Variants in DCAF6 observed in about 807,000 individuals in gnomAD.
The protein encoded by DCAF6 is DDB1 and CUL4 associated factor 6.
DCAF6 carries 54 observed loss-of-function variants against 125.1 expected under a neutral mutation model. The ratio of observed to expected loss-of-function variants is 0.43; its 90% CI spans 0.35 to 0.54. The LOEUF is 0.54. Ranked by LOEUF, DCAF6 falls within the 20% of genes least tolerant of loss-of-function variation. DCAF6 has a pLI of 0.01. For missense variants in DCAF6, 934 were observed against 1,161.7 expected, an observed-to-expected ratio of 0.80 and a Z score of 2.85; for synonymous variants, 371 against 390.4, an observed-to-expected ratio of 0.95 and a Z score of 0.58.
At chr1:167,928,038 T>C in the DCAF6 span, among the ~76,000 whole-genome samples, 1 of 152,018 alleles carries the variant, frequency 6.6e-6, no homozygotes, top group South Asian at 2.1e-4. Flanking sequence ...CTGCAAACAG[T>C]GTTTTCTTAA....
chr1:167,899,323 C>G, the DCAF6 span: 1 of 1,209,330 alleles, frequency 8.3e-7, no homozygotes, highest in Non-Finnish European at 1.2e-6. Flanking sequence ...AATCTCCAGC[C>G]CAGGAGCTTT....
intron 8 of DCAF6, among the ~76,000 whole-genome samples, chr1:168,002,904 T>C (rs1682839899): frequency 6.6e-6 from 1 of 152,116 alleles, no homozygotes; most frequent in Non-Finnish European, 1.5e-5. Context: ...CTATTAGATA[T>C]TAAGAGAAAT....
At chr1:168,022,656 G>T (rs1021457854) in intron 11 of DCAF6, among the ~76,000 whole-genome samples, 1 of 147,130 alleles carries the variant, frequency 6.8e-6, no homozygotes, top group Non-Finnish European at 1.5e-5. Flanking sequence ...AGTTTGAGAA[G>T]GGCAAGGAGT....
chr1:168,029,930 A>G (rs1686838263), intron 12 of DCAF6, among the ~76,000 whole-genome samples: 1 of 151,610 alleles, frequency 6.6e-6, no homozygotes. Context: ...CAGTGAGCCG[A>G]GATTGCACCA....
chr1:168,002,405 G>A lies in DCAF6; in HGVS notation c.904-77G>A, dbSNP rs1324490425. 3.2e-6 allele frequency: 4 copies of A among 1,232,924 alleles called. No individual in the cohort carries two copies. The Admixed American group carries it at 7.0e-5, about 22-fold the overall frequency. 76.4% of individuals were successfully genotyped at this position (1,232,924 alleles called of 1,614,324 possible). On this transcript the variant is annotated intron_variant, in intron 7 of 21. Transcript: ENST00000367840. Reference sequence around the variant, plus strand: ...AGAAGTAGGGAGATGGAAATAAATAGACATAAAGTATGCTTTAAGAGTTGA... The same window carrying A: ...AGAAGTAGGGAGATGGAAATAAATAAACATAAAGTATGCTTTAAGAGTTGA...
the DCAF6 span, chr1:167,883,401 C>G: frequency 6.2e-7 from 1 of 1,607,000 alleles, no homozygotes; most frequent in Non-Finnish European, 8.5e-7. Flanking sequence ...TAACCTAAAA[C>G]TATTGGTAGG....
the DCAF6 span, among the ~76,000 whole-genome samples, chr1:167,919,787 T>C: frequency 6.6e-6 from 1 of 152,146 alleles, no homozygotes; most frequent in Admixed American, 6.5e-5. Context: ...TGTAAACCCC[T>C]AGACTTTTCT....
At chr1:167,936,652 G>A (rs2102577406), upstream of DCAF6, 1 of 412,020 alleles carries the variant, frequency 2.4e-6, no homozygotes, top group Non-Finnish European at 4.4e-6. Context: ...TGTTGGAGGG[G>A]GGCTGAGGGA....
chr1:168,049,473 G>A (rs1572094764), intron 16 of DCAF6, among the ~76,000 whole-genome samples: 1 of 117,720 alleles, frequency 8.5e-6, no homozygotes, highest in Non-Finnish European at 1.7e-5. Flanking sequence ...GTCTCACTAT[G>A]TTGACCAGGC....
the DCAF6 span, among the ~76,000 whole-genome samples, chr1:167,891,549 A>G: frequency 3.2e-4 from 48 of 151,434 alleles, 1 homozygote; most frequent in East Asian, 9.3e-3. Flanking sequence ...CCAGCTACTC[A>G]GGAGGCTGAG....
At chr1:167,971,667 A>G (rs41322644) in intron 3 of DCAF6, among the ~76,000 whole-genome samples, 12,864 of 152,220 alleles carry the variant, frequency 0.085, 615 homozygotes, top group Middle Eastern at 0.1. Context: ...TGTTACAACT[A>G]GACCACCTTA....
intron 4 of DCAF6, among the ~76,000 whole-genome samples, chr1:167,984,515 A>C (rs575286474): frequency 3.3e-5 from 5 of 152,186 alleles, no homozygotes; most frequent in Non-Finnish European, 7.3e-5. Flanking sequence ...ATTTATAGAC[A>C]GTAGTATACA....
intron 13 of DCAF6, among the ~76,000 whole-genome samples, chr1:168,042,152 C>G (rs561831516): frequency 6.6e-6 from 1 of 151,866 alleles, no homozygotes; most frequent in South Asian, 2.1e-4. Context: ...AGTCCATGAT[C>G]GTTTGTATTG....
intron 3 of DCAF6, among the ~76,000 whole-genome samples, chr1:167,972,343 G>C (rs1174190084): frequency 6.6e-6 from 1 of 152,112 alleles, no homozygotes; most frequent in Non-Finnish European, 1.5e-5. Flanking sequence ...ATAATTCTTT[G>C]AACAATTATT....
upstream of DCAF6, among the ~76,000 whole-genome samples, chr1:167,934,013 C>T (rs1670988568): frequency 6.6e-6 from 1 of 152,200 alleles, no homozygotes; most frequent in Admixed American, 6.5e-5. Flanking sequence ...GTCAAGGTCA[C>T]ACAGCCAAGA....
chr1:167,974,806 A>G (rs201409873), intron 3 of DCAF6, 24 bp from the exon 4 acceptor site: 11 of 1,467,694 alleles, frequency 7.5e-6, no homozygotes, highest in Middle Eastern at 3.6e-4. Flanking sequence ...AGTTACCATT[A>G]ACTGCTTTCT....
chr1:167,984,194 C>T (rs959424371), intron 4 of DCAF6, among the ~76,000 whole-genome samples: 1 of 152,118 alleles, frequency 6.6e-6, no homozygotes, highest in Non-Finnish European at 1.5e-5. Flanking sequence ...GTAGTGTTGT[C>T]AGTGCTTTTA....
intron 2 of DCAF6, among the ~76,000 whole-genome samples, chr1:167,955,100 A>G (rs1162686698): frequency 6.6e-6 from 1 of 152,170 alleles, no homozygotes; most frequent in Non-Finnish European, 1.5e-5. Context: ...TGTTGAGTGT[A>G]TCAATAATTT....
At chr1:167,883,858 CA>C in the DCAF6 span, among the ~76,000 whole-genome samples, 2 of 152,196 alleles carry the variant, frequency 1.3e-5, no homozygotes, top group Non-Finnish European at 2.9e-5. Flanking sequence ...GCAACCACTC[CA>C]TTACCCCAAC....
Sources: gnomAD v4.1 joint callset for allele counts (sites outside exome capture counted in the v4.1 genomes callset) on GRCh38, gnomAD v4.1.1 for gene constraint, MANE v1.5 for transcripts, NCBI Gene and HGNC (gene_info 2026-07-23, HGNC 2026-07-21) for gene names.